The following ST7L variants were observed in gnomAD, a reference collection of about 807,000 sequenced individuals.
The protein encoded by ST7L is suppression of tumorigenicity 7 like, also known as suppressor of tumorigenicity 7 protein-like.
Under a neutral mutation model 72.5 loss-of-function variants are expected in ST7L, and 57 were observed. The ratio of observed to expected loss-of-function variants is 0.79; its 90% confidence interval spans 0.64 to 0.98. The LOEUF is 0.98. Ranked by LOEUF, ST7L falls within the 50% of genes least tolerant of loss-of-function variation. ST7L has a pLI of 0.00. For synonymous variants in ST7L, 221 were observed against 240.9 expected, an observed-to-expected ratio of 0.92 and a Z score of 0.77; for missense variants, 576 against 672.2, an observed-to-expected ratio of 0.86 and a Z score of 1.58.
intron 6 of ST7L, among the ~76,000 whole-genome samples, chr1:112,588,909 A>G (rs377179711): frequency 1.3e-5 from 2 of 151,514 alleles, no homozygotes; most frequent in South Asian, 4.2e-4. Context: ...GTTCTCTCAG[A>G]CTCTGGTCAT....
At chr1:112,527,889 A>G (rs1185962675) in intron 14 of ST7L, 1 of 152,260 alleles carries the variant, frequency 6.6e-6, no homozygotes, top group Non-Finnish European at 1.5e-5. Context: ...AACAGTAAGG[A>G]AGGTGAACTG....
At chr1:112,588,826 C>A (rs1280084887) in intron 6 of ST7L, among the ~76,000 whole-genome samples, 1 of 152,122 alleles carries the variant, frequency 6.6e-6, no homozygotes, top group Non-Finnish European at 1.5e-5. Flanking sequence ...TTCAAGTATT[C>A]TTTCTGCCCT....
At chr1:112,536,855 G>A (rs949207825) in intron 14 of ST7L, among the ~76,000 whole-genome samples, 3 of 152,088 alleles carry the variant, frequency 2.0e-5, no homozygotes, top group South Asian at 4.1e-4. Flanking sequence ...TACAATATGC[G>A]TTCAGTAAAA....
intron 14 of ST7L, chr1:112,527,239 C>T (rs1363569554): frequency 1.3e-5 from 2 of 152,384 alleles, no homozygotes; most frequent in African/African-American, 4.8e-5. Flanking sequence ...TCAATCATAG[C>T]TCTGGGATGC....
intron 4 of ST7L, among the ~76,000 whole-genome samples, chr1:112,599,579 T>C (rs1331422810): frequency 6.6e-6 from 1 of 152,130 alleles, no homozygotes; most frequent in Non-Finnish European, 1.5e-5. Flanking sequence ...ATGGACACAG[T>C]AGTGAAAATA....
At chr1:112,603,574 T>C (rs770979938) in intron 3 of ST7L, among the ~76,000 whole-genome samples, 1 of 152,234 alleles carries the variant, frequency 6.6e-6, no homozygotes, top group Non-Finnish European at 1.5e-5. Flanking sequence ...CAATAGACAA[T>C]GGAGAATAAG....
chr1:112,545,367 T>C (rs1242541508), intron 13 of ST7L, among the ~76,000 whole-genome samples: 1 of 152,190 alleles, frequency 6.6e-6, no homozygotes, highest in African/African-American at 2.4e-5. Context: ...ATTGGCCTTA[T>C]ATTAGACAAC....
downstream of ST7L, among the ~76,000 whole-genome samples, chr1:112,520,106 A>G (rs1390926985): frequency 1.3e-5 from 2 of 152,100 alleles, no homozygotes; most frequent in African/African-American, 4.8e-5. Context: ...TCCTGGACTC[A>G]AGGATTCCTT....
At chr1:112,543,534 A>C (rs1163755920) in intron 13 of ST7L, among the ~76,000 whole-genome samples, 1 of 151,890 alleles carries the variant, frequency 6.6e-6, no homozygotes, top group Non-Finnish European at 1.5e-5. Context: ...GCAACAGAGC[A>C]AGACTCTGTC....
At chr1:112,618,872 G>C in intron 1 of ST7L, 37 bp downstream of exon 1, 1 of 1,546,022 alleles carries the variant, frequency 6.5e-7, no homozygotes, top group Non-Finnish European at 8.7e-7. Flanking sequence ...ATCTCTCCTG[G>C]CCCCCCGCCC....
chr1:112,525,762 C>A lies in ST7L; in HGVS notation c.*251G>T. 1 of 402,220 alleles carries A rather than the reference C, an allele frequency of 2.5e-6. No individual in the cohort carries two copies. Among genetic ancestry groups the A allele is most frequent in the Non-Finnish European group, 4.3e-6 (1 of 230,936 alleles). The allele number at this position is 402,220 out of a possible 1,614,324, so 24.9% of individuals were successfully genotyped here. On this transcript the variant is annotated 3_prime_UTR_variant, in exon 15 of 15. Transcript: ENST00000358039. Reference sequence around the variant, plus strand: ...CAACAGCCCCTGTAAGTAGCCCTGGCCAAACAGAAAGGCTAAGCTGAATGA... The same window carrying A: ...CAACAGCCCCTGTAAGTAGCCCTGGACAAACAGAAAGGCTAAGCTGAATGA...
At chr1:112,602,691 G>C (rs1667597319) in intron 3 of ST7L, among the ~76,000 whole-genome samples, 2 of 151,008 alleles carry the variant, frequency 1.3e-5, no homozygotes. Flanking sequence ...ATTTAGATGG[G>C]TACCTGGCAG....
intron 11 of ST7L, among the ~76,000 whole-genome samples, chr1:112,557,550 C>A (rs920174174): frequency 2.6e-5 from 4 of 152,150 alleles, no homozygotes; most frequent in Admixed American, 2.6e-4. Context: ...TTGTTATAAA[C>A]ACTTGTGTAT....
At chr1:112,568,885 TATAA>T (rs1187717883) in intron 11 of ST7L, among the ~76,000 whole-genome samples, 24 of 128,968 alleles carry the variant, frequency 1.9e-4, no homozygotes, top group African/African-American at 6.7e-4. Flanking sequence ...TATATATATA[TATAA>T]AACAAAAATT....
At chr1:112,608,516 A>C (rs1668610687) in intron 3 of ST7L, among the ~76,000 whole-genome samples, 1 of 152,170 alleles carries the variant, frequency 6.6e-6, no homozygotes, top group Non-Finnish European at 1.5e-5. Context: ...CAATTTATTT[A>C]TATCTGTATC....
chr1:112,558,913 G>A (rs146547608), intron 11 of ST7L, among the ~76,000 whole-genome samples: 2,579 of 152,246 alleles, frequency 0.017, 25 homozygotes, highest in African/African-American at 0.022. Flanking sequence ...CTTTGCAAGC[G>A]CACTAAGAGC....
downstream of ST7L, chr1:112,520,580 C>T: frequency 6.9e-7 from 1 of 1,442,094 alleles, no homozygotes; most frequent in Non-Finnish European, 9.6e-7. Flanking sequence ...CTTGCATGCA[C>T]ACCTTCCTCC....
intron 11 of ST7L, chr1:112,571,375 A>C (rs942414872): frequency 4.4e-6 from 2 of 455,390 alleles, no homozygotes; most frequent in African/African-American, 4.0e-5. Flanking sequence ...TGACATTAAA[A>C]TGTTAAAGTG....
intron 14 of ST7L, among the ~76,000 whole-genome samples, chr1:112,532,147 C>A (rs1307680380): frequency 6.6e-6 from 1 of 152,180 alleles, no homozygotes; most frequent in Non-Finnish European, 1.5e-5. Context: ...TAAAAAACAT[C>A]CAGCTGAATT....
Sources: gnomAD v4.1 joint callset for allele counts (sites outside exome capture counted in the v4.1 genomes callset) on GRCh38, gnomAD v4.1.1 for gene constraint, MANE v1.5 for transcripts, NCBI Gene and HGNC (gene_info 2026-07-23, HGNC 2026-07-21) for gene names.